CRISP2: variants seen among roughly 807,000 people sequenced by gnomAD.
CRISP2 encodes cysteine rich secretory protein 2.
In CRISP2, 29 loss-of-function variants were observed where a neutral mutation model predicts 31.7. That is an observed-to-expected ratio of 0.92 (90% CI 0.68 to 1.25). The LOEUF (loss-of-function observed/expected upper bound fraction) is 1.25, where lower values mean the gene tolerates loss of function less well. CRISP2 is among the 50% of genes most tolerant of loss of function. The pLI is 0.00. For synonymous variants in CRISP2, 111 were observed against 101.4 expected (o/e 1.09, Z -0.57); for missense variants, 318 against 286.5 (o/e 1.11, Z -0.79).
chr6:49,711,965 T>C (rs1285828894), intron 2 of CRISP2, among the ~76,000 whole-genome samples: 4 of 152,208 alleles, frequency 2.6e-5, no homozygotes, highest in Non-Finnish European at 5.9e-5. Flanking sequence ...TGTCTGCTAG[T>C]TTGTTGAGCT....
At chr6:49,701,668 CA>C (rs1345595844) in intron 4 of CRISP2, among the ~76,000 whole-genome samples, 1 of 119,344 alleles carries the variant, frequency 8.4e-6, no homozygotes, top group African/African-American at 3.3e-5. Flanking sequence ...TATATGTATA[CA>C]TTATATATGT....
chr6:49,710,308 A>G (rs1767792085), intron 3 of CRISP2, among the ~76,000 whole-genome samples: 1 of 152,248 alleles, frequency 6.6e-6, no homozygotes, highest in African/African-American at 2.4e-5. Context: ...GGGTATTACT[A>G]TTTATATTGT....
chr6:49,704,101 T>A (rs1201832202), intron 4 of CRISP2, among the ~76,000 whole-genome samples: 3 of 152,174 alleles, frequency 2.0e-5, no homozygotes, highest in South Asian at 2.1e-4. Context: ...AAAAGCCATA[T>A]CTTCAAGCTC....
intron 4 of CRISP2, among the ~76,000 whole-genome samples, chr6:49,707,131 A>G (rs1427146422): frequency 2.0e-5 from 3 of 152,224 alleles, no homozygotes; most frequent in African/African-American, 7.2e-5. Flanking sequence ...ATGTATTTTT[A>G]AATGTGTTAA....
intron 4 of CRISP2, among the ~76,000 whole-genome samples, chr6:49,705,741 T>C (rs2127425672): frequency 6.6e-6 from 1 of 152,280 alleles, no homozygotes; most frequent in South Asian, 2.1e-4. Flanking sequence ...CTTTTTTATT[T>C]TGCATGGCTC....
chr6:49,709,801 T>C (rs966072882), intron 3 of CRISP2, among the ~76,000 whole-genome samples: 1 of 152,220 alleles, frequency 6.6e-6, no homozygotes, highest in African/African-American at 2.4e-5. Context: ...AATTTCTCTG[T>C]ATACAAAAAA....
intron 4 of CRISP2, among the ~76,000 whole-genome samples, chr6:49,701,831 TTAA>T (rs1484475488): frequency 1.6e-3 from 154 of 95,802 alleles, no homozygotes; most frequent in Non-Finnish European, 1.9e-3. Flanking sequence ...AATGTATACA[TTAA>T]TAATAATATA....
the CRISP2 span, among the ~76,000 whole-genome samples, chr6:49,686,398 G>A: frequency 6.6e-6 from 1 of 152,132 alleles, no homozygotes; most frequent in South Asian, 2.1e-4. Context: ...CATTTCTAAA[G>A]GACTGGTAGA....
chr6:49,698,038 C>A, intron 7 of CRISP2, 81 bp from the exon 8 acceptor site: 3 of 1,119,986 alleles, frequency 2.7e-6, no homozygotes, highest in South Asian at 1.7e-5. Flanking sequence ...AAATATAAAA[C>A]TGAAAAATGT....
Position 49,704,428 on chromosome 6 carries a change from T to C in CRISP2, c.67-3644A>G, listed in dbSNP as rs558496264. Among the ~76,000 whole-genome samples the C allele has an allele frequency of 2.6e-5, 4 of 152,220 alleles. No homozygotes were observed. The East Asian group carries it at 7.7e-4, about 29-fold the overall frequency. On this transcript the variant is annotated intron_variant, in intron 4 of 9. Transcript: ENST00000339139. ...GATCTTTTGGGGATGTTATAGAACG[T>C]TGTTTTGTCATATTACCAGAATTTT...
chr6:49,682,315 T>A, the CRISP2 span, among the ~76,000 whole-genome samples: 3 of 152,148 alleles, frequency 2.0e-5, no homozygotes, highest in Admixed American at 6.5e-5. Context: ...TTAGACTAAA[T>A]CCCTCCTTAT....
chr6:49,710,595 T>C lies in CRISP2; in HGVS notation c.-10+690A>G, dbSNP rs1767840259. Among the ~76,000 whole-genome samples the C allele has an allele frequency of 2.0e-5, 3 of 152,218 alleles. No homozygotes were observed. In the South Asian group the frequency reaches 6.2e-4, roughly 31 times the overall value. On this transcript the variant is annotated intron_variant, in intron 3 of 9. Transcript: ENST00000339139. ...ATCATTAATATGCCAGCTTATACAA[T>C]ATACTTAAACAGCCATACTTTTCCA...
At chr6:49,678,157 A>C in the CRISP2 span, among the ~76,000 whole-genome samples, 76,600 of 151,456 alleles carry the variant, frequency 0.51, 19,716 homozygotes, top group East Asian at 0.76. Context: ...GAATACTAGA[A>C]AGGTGTTCAG....
At chr6:49,683,293 C>G in the CRISP2 span, among the ~76,000 whole-genome samples, 28 of 152,034 alleles carry the variant, frequency 1.8e-4, no homozygotes, top group Non-Finnish European at 3.4e-4. Flanking sequence ...AAATAGCACT[C>G]TAAAGGGCTC....
chr6:49,696,334 T>C (rs1463291615), intron 8 of CRISP2, among the ~76,000 whole-genome samples: 2 of 152,058 alleles, frequency 1.3e-5, no homozygotes, highest in Non-Finnish European at 2.9e-5. Context: ...GAAATGAATA[T>C]GCAATGTTAA....
rs970345647 is a variant in CRISP2, at chr6:49,697,407, G to GTGTGTGTGTGTGTGTGT, written c.515+452_515+453insACACACACACACACACA. Among the ~76,000 whole-genome samples the GTGTGTGTGTGTGTGTGT allele has an allele frequency of 3.2e-3, 488 of 151,146 alleles. 5 individuals carry two copies. The highest frequency in any genetic ancestry group is 0.011 in the African/African-American group (452 of 41,114). ...ATTTGTAATGGTAATTGTGTGTGGT[G>GTGTGTGTGTGTGTGTGT]GTGTGTGTGTGTGTGTGTTTTACAT... On this transcript the variant is annotated intron_variant, in intron 8 of 9. Coordinates refer to ENST00000339139, the MANE Select transcript of CRISP2 (RefSeq NM_003296.4).
intron 4 of CRISP2, among the ~76,000 whole-genome samples, chr6:49,706,214 A>T (rs1375341370): frequency 6.6e-6 from 1 of 152,208 alleles, no homozygotes; most frequent in Non-Finnish European, 1.5e-5. Flanking sequence ...CCCATGATTC[A>T]TCTTAAATTT....
the CRISP2 span, among the ~76,000 whole-genome samples, chr6:49,682,539 C>G: frequency 7.6e-6 from 1 of 131,928 alleles, no homozygotes; most frequent in South Asian, 2.9e-4. Context: ...TCCTTCCCAC[C>G]TCCCTCCTTC....
downstream of CRISP2, among the ~76,000 whole-genome samples, chr6:49,690,191 A>C (rs908329064): frequency 6.6e-6 from 1 of 152,132 alleles, no homozygotes; most frequent in African/African-American, 2.4e-5. Flanking sequence ...AGACATCTCC[A>C]TTCATGTGGT....
Sources: gnomAD v4.1 joint callset for allele counts (sites outside exome capture counted in the v4.1 genomes callset) on GRCh38, gnomAD v4.1.1 for gene constraint, MANE v1.5 for transcripts, NCBI Gene and HGNC (gene_info 2026-07-23, HGNC 2026-07-21) for gene names.